Variants in ABHD8 observed in about 807,000 individuals in gnomAD.
ABHD8 encodes the protein protein ABHD8.
Under a neutral mutation model 29.3 loss-of-function variants are expected in ABHD8, and 10 were observed. That is an observed-to-expected ratio of 0.34 (90% CI 0.21 to 0.58). The LOEUF is 0.58. Among genes scored for constraint, ABHD8 ranks in the 20% least tolerant of loss-of-function variants. The pLI, the probability that ABHD8 is intolerant of heterozygous loss-of-function variation, is 0.85. For missense variants in ABHD8, 556 were observed against 615.3 expected, an observed-to-expected ratio of 0.90 and a Z score of 1.02; for synonymous variants, 282 against 274.6, an observed-to-expected ratio of 1.03 and a Z score of -0.27.
rs985092948 is a variant in ABHD8, at chr19:17,292,206, C to CA, written c.*454_*455insT. ...GGTGGCGCCAGCCCCCCCATCCCCC[C>CA]CCCTTGGGCAAAAATAGCTCCCAGC... On this transcript the variant is annotated 3_prime_UTR_variant, in exon 5 of 5. Transcript: ENST00000247706. 74 of 198,912 alleles carry CA rather than the reference C, an allele frequency of 3.7e-4. No homozygotes were observed. Among genetic ancestry groups the CA allele is most frequent in the African/African-American group, 1.7e-3 (73 of 43,010 alleles). The allele number at this position is 198,912 out of a possible 1,614,324, so 12.3% of individuals were successfully genotyped here.
intron 2 of ABHD8, among the ~76,000 whole-genome samples, chr19:17,300,483 A>G (rs1226900530): frequency 2.0e-5 from 3 of 150,694 alleles, no homozygotes; most frequent in Non-Finnish European, 3.0e-5. Context: ...CTGGGATTAC[A>G]GGTGTCAGTG....
At position 17,301,103 on chromosome 19, in the gene ABHD8, C is replaced by T. The variant is rs555670452; in HGVS notation, c.514G>A (p.Ala172Thr). The T allele has an allele frequency of 1.4e-5, 22 of 1,613,222 alleles. No homozygotes were observed. The highest frequency in any genetic ancestry group is 2.2e-5 in the East Asian group (1 of 44,904). Residue 172 changes from alanine (A) to threonine (T), a missense_variant, in exon 2 of 5, where the codon GCC (alanine) becomes ACC (threonine). Physicochemically the swap from Ala to Thr is moderately conservative, Grantham distance 58 (BLOSUM62 0). Coordinates refer to ENST00000247706, the MANE Select transcript of ABHD8 (RefSeq NM_024527.5). ...CEKRITSCKG[A>T]QADVVLFFIH... ...AAAAAGAGCACCACGTCGGCCTGGG[C>T]GCCTTTGCAGCTAGTGATGCGCTTC... is the stretch of plus-strand genomic sequence containing the variant.
chr19:17,292,911 A>G (rs1289306541), intron 4 of ABHD8, 80 bp from the exon 5 acceptor site: 5 of 1,460,156 alleles, frequency 3.4e-6, no homozygotes, highest in Non-Finnish European at 2.8e-6. Flanking sequence ...TCCGCCATAC[A>G]CACATGGCCC....
Position 17,294,523 on chromosome 19 carries a change from C to T in ABHD8, c.933-19G>A, listed in dbSNP as rs1292447995. The T allele has an allele frequency of 1.2e-5, 19 of 1,613,488 alleles. No homozygotes were observed. The highest frequency in any genetic ancestry group is 1.6e-5 in the Non-Finnish European group (19 of 1,179,954). On this transcript the variant is annotated intron_variant, in intron 3 of 4. Transcript: ENST00000247706. ...GCCGGCCCTGGTGGTGGTGGAGGCA[C>T]CGCTAGAGCCCCTTATGCCAGCCCG...
chr19:17,300,310 A>G (rs2074111631), intron 2 of ABHD8, among the ~76,000 whole-genome samples: 1 of 150,752 alleles, frequency 6.6e-6, no homozygotes, highest in Admixed American at 6.6e-5. Flanking sequence ...GACTCAAGCA[A>G]TCTCCTGCCT....
Position 17,301,018 on chromosome 19 carries a change from C to T in ABHD8, c.599G>A (p.Arg200His). ...IWKEQLDFFV[R>H]LGYEVVAPDL... is the part of the protein sequence containing the mutation. The stretch of plus-strand genomic sequence containing the variant: ...AGGAGCCACCACCTCATAGCCTAGG[C>T]GCACAAAGAAGTCCAGCTGCTCCTT... Residue 200 changes from arginine to histidine, a missense_variant, in exon 2 of 5, where the codon CGC (arginine) becomes CAC (histidine). This residue lies in a region of ABHD8 where 270 missense variants were observed against 353.9 expected (regional missense o/e 0.76). Transcript: ENST00000247706. The T allele has an allele frequency of 2.5e-6, 4 of 1,613,504 alleles. No individual in the cohort carries two copies. Among genetic ancestry groups the T allele is most frequent in the Non-Finnish European group, 3.4e-6 (4 of 1,180,038 alleles).
chr19:17,300,977 C>G lies in ABHD8; in HGVS notation c.640G>C (p.Gly214Arg). Residue 214 changes from glycine (G) to arginine (R), a missense_variant, in exon 2 of 5, where the codon GGG becomes CGG. This residue lies in a region of ABHD8 where 270 missense variants were observed against 353.9 expected (regional missense o/e 0.76). Coordinates refer to ENST00000247706, the MANE Select transcript of ABHD8 (RefSeq NM_024527.5). ...EVVAPDLAGH[G>R]ASSAPQVAAA... ...GCCACCTGGGGCGCAGAGCTGGCCC[C>G]GTGGCCGGCCAGGTCAGGAGCCACC... 6.2e-7 allele frequency: 1 copy of G among 1,613,490 alleles called. No homozygotes were observed. Among genetic ancestry groups the G allele is most frequent in the Non-Finnish European group, 8.5e-7 (1 of 1,180,016 alleles).
chr19:17,292,600 AGGCTC>A lies in ABHD8; in HGVS notation c.*56_*60del. On this transcript the variant is annotated 3_prime_UTR_variant, in exon 5 of 5. Transcript: ENST00000247706. ...GTGGTCTGCGCTGCAGACCTGGCGCAGGCTCGGGCCTCCTCCTGCTGCGGCTGTGC... is the reference window on the plus strand; with the variant it reads ...GTGGTCTGCGCTGCAGACCTGGCGCAGGGCCTCCTCCTGCTGCGGCTGTGC... The A allele has an allele frequency of 6.6e-7, 1 of 1,508,370 alleles. No individual in the cohort carries two copies. Among genetic ancestry groups the A allele is most frequent in the Non-Finnish European group, 8.9e-7 (1 of 1,125,932 alleles). The allele number at this position is 1,508,370 out of a possible 1,614,324, so 93.4% of individuals were successfully genotyped here. A position where few individuals can be genotyped will look rare whatever the true frequency, so the allele number is the denominator to read the frequency against.
Position 17,294,691 on chromosome 19 carries a change from C to T in ABHD8, c.916G>A (p.Ala306Thr). 6.2e-7 allele frequency: 1 copy of T among 1,613,946 alleles called. No homozygotes were observed. Among genetic ancestry groups the T allele is most frequent in the Non-Finnish European group, 8.5e-7 (1 of 1,179,976 alleles). Reference sequence around the variant, plus strand: ...GACACTCACTTGAGGAAGCTCCAGGCCAGGCAGGGCGACAAGCAGTGCAGG... The same window carrying T: ...GACACTCACTTGAGGAAGCTCCAGGTCAGGCAGGGCGACAAGCAGTGCAGG... ...CVLHCLSPCL[A>T]WSFLKAGFAR... The change falls in exon 3 of 5, where the codon GCC (alanine) becomes ACC (threonine). Residue 306 changes from alanine to threonine, a missense_variant. Ala to Thr is a moderately conservative substitution (Grantham distance 58). This residue lies in a region of ABHD8 where 270 missense variants were observed against 353.9 expected (regional missense o/e 0.76). Transcript: ENST00000247706.
chr19:17,298,073 C>A (rs140783938), intron 2 of ABHD8: 7,598 of 152,086 alleles, frequency 0.05, 274 homozygotes, highest in East Asian at 0.12. Context: ...TGCCACCATG[C>A]CTGGCTAATT....
intron 4 of ABHD8, 49 bp from the exon 5 acceptor site, chr19:17,292,880 G>A: frequency 6.3e-7 from 1 of 1,578,828 alleles, no homozygotes; most frequent in African/African-American, 1.3e-5. Flanking sequence ...AGGGTGGAGA[G>A]AGGCCAGGCT....
chr19:17,292,805 G>C lies in ABHD8; in HGVS notation c.1176C>G (p.Leu392=). ...AEILLLAFLK[L]IDEGSHMVML... ...TCACCATGTGGCTGCCCTCGTCGAT[G>C]AGCTTCAGGAATGCCAGGAGCAGGA... Residue 392 remains leucine, a synonymous_variant, in exon 5 of 5, where the codon CTC becomes CTG. Transcript: ENST00000247706. The C allele has an allele frequency of 1.2e-6, 2 of 1,612,890 alleles. No homozygotes were observed. Among genetic ancestry groups the C allele is most frequent in the South Asian group, 2.2e-5 (2 of 90,822 alleles).
In ABHD8 at chr19:17,294,780, T is replaced by C. The variant is rs2074086374; in HGVS notation, c.827A>G (p.Asn276Ser). ...PDLVHKVIMI[N>S]GGGPTALEPS... ...CTCCAGCGCCGTAGGGCCCCCGCCA[T>C]TGATCATGATCACCTTGTGCACTAG... is the stretch of plus-strand genomic sequence containing the variant. Residue 276 changes from asparagine (N) to serine (S), a missense_variant, in exon 3 of 5, where the codon AAT (asparagine) becomes AGT (serine). Coordinates refer to ENST00000247706, the MANE Select transcript of ABHD8 (RefSeq NM_024527.5). 1 of 1,614,102 alleles carries C rather than the reference T, an allele frequency of 6.2e-7. No homozygotes were observed. Among genetic ancestry groups the C allele is most frequent in the African/African-American group, 1.3e-5 (1 of 74,946 alleles).
At chr19:17,301,778 G>GTT (rs1307682028) in intron 1 of ABHD8, among the ~76,000 whole-genome samples, 154 bp from the exon 2 acceptor site, 9 of 43,052 alleles carry the variant, frequency 2.1e-4, no homozygotes, top group Admixed American at 5.2e-4. Context: ...TTTTTTGTTT[G>GTT]TGTGTGTGTG....
chr19:17,294,508 GT>G lies in ABHD8; in HGVS notation c.933-5del. On this transcript the variant is annotated splice_region_variant and splice_polypyrimidine_tract_variant and intron_variant, in intron 3 of 4. Transcript: ENST00000247706. ...TCCTTGGCGGGCGAAGCCGGCCCTG[GT>G]GGTGGTGGAGGCACCGCTAGAGCCC... 1 of 1,613,782 alleles carries G rather than the reference GT, an allele frequency of 6.2e-7. No homozygotes were observed. Among genetic ancestry groups the G allele is most frequent in the Non-Finnish European group, 8.5e-7 (1 of 1,179,996 alleles).
At chr19:17,297,449 C>A (rs1192599119) in intron 2 of ABHD8, among the ~76,000 whole-genome samples, 3 of 152,040 alleles carry the variant, frequency 2.0e-5, no homozygotes, top group African/African-American at 7.2e-5. Flanking sequence ...GCACCTGCAA[C>A]CATACCCAGC....
At position 17,294,248 on chromosome 19, in the gene ABHD8, G is replaced by T. The variant is rs757156572; in HGVS notation, c.1149+40C>A. 3 of 1,583,522 alleles carry T rather than the reference G, an allele frequency of 1.9e-6. No homozygotes were observed. The South Asian group carries it at 3.3e-5, about 18-fold the overall frequency. On this transcript the variant is annotated intron_variant, in intron 4 of 4. Transcript: ENST00000247706. ...CCACGCCCCTCCCGGGCAGCACCCT[G>T]GGGATTTGTAGCTGTGGCGCCCCAG...
intron 2 of ABHD8, chr19:17,297,904 ATTTTTCT>A (rs1417624595): frequency 3.1e-5 from 4 of 129,456 alleles, no homozygotes; most frequent in Admixed American, 2.3e-4. Context: ...CCACTTATTT[ATTTTTCT>A]TTTTTCTTTT....
intron 2 of ABHD8, chr19:17,298,046 C>A (rs2074101346): frequency 6.6e-6 from 1 of 151,966 alleles, no homozygotes; most frequent in Admixed American, 6.6e-5. Context: ...TCCTGAGTAG[C>A]TGGGACTACA....
Sources: gnomAD v4.1 joint callset for allele counts (sites outside exome capture counted in the v4.1 genomes callset) on GRCh38, gnomAD v4.1.1 for gene constraint, gnomAD v4.1.1 regional missense constraint, MANE v1.5 for transcripts, NCBI Gene and HGNC (gene_info 2026-07-23, HGNC 2026-07-21) for gene names.